COL6A3: variants seen among roughly 807,000 people sequenced by gnomAD.
COL6A3 encodes collagen type VI alpha 3 chain.
A neutral mutation model predicts 274.1 loss-of-function variants in COL6A3; 137 were observed. The observed-to-expected ratio is 0.50, with a 90% CI of 0.44 to 0.58. The LOEUF (loss-of-function observed/expected upper bound fraction) is 0.58, where lower values mean the gene tolerates loss of function less well. COL6A3 is among the 20% of genes least tolerant of loss of function. The pLI is 0.00. For missense variants in COL6A3, 3,950 were observed against 4,124.9 expected (o/e 0.96, Z 1.16); for synonymous variants, 1,650 against 1,650.6 (o/e 1.00, Z 0.01).
rs1334186946 is a variant in COL6A3 at position 237,365,730 on chromosome 2, T to G, written c.5806A>C (p.Lys1936Gln). ...TEDTLKVYLN[K>Q]FRQSSPDSVK... ...CTGTCCGGCGAGGACTGTCTGAACT[T>G]GTTCAGGTAGACCTTCAGGGTGTCC... Residue 1936 changes from lysine to glutamine, a missense_variant, in exon 12 of 44, where the codon AAG becomes CAG. Transcript: ENST00000295550. 6.2e-7 allele frequency: 1 copy of G among 1,614,032 alleles called. No homozygotes were observed. Among genetic ancestry groups the G allele is most frequent in the South Asian group, 1.1e-5 (1 of 91,082 alleles).
Position 237,361,024 on chromosome 2 carries a change from C to T in COL6A3, c.6210+97G>A, listed in dbSNP as rs2077424232. 2 of 1,028,142 alleles carry T rather than the reference C, an allele frequency of 1.9e-6. No homozygotes were observed. Among genetic ancestry groups the T allele is most frequent in the Non-Finnish European group, 3.1e-6 (2 of 647,684 alleles). The allele number at this position is 1,028,142 out of a possible 1,614,324, so 63.7% of individuals were successfully genotyped here. A position where few individuals can be genotyped will look rare whatever the true frequency, so the allele number is the denominator to read the frequency against. ...ATTTTTCTCCCAAAGGGAAAGCCAT[C>T]AGCAACTGAACAAATGATGAAATCC... On this transcript the variant is annotated intron_variant, in intron 16 of 43. Transcript: ENST00000295550. The surrounding 1 kb of genome is among the most constrained non-coding windows in gnomAD (Gnocchi z 5.1).
chr2:237,399,441 T>C (rs2078535263), intron 1 of COL6A3, among the ~76,000 whole-genome samples: 1 of 152,172 alleles, frequency 6.6e-6, no homozygotes, highest in African/African-American at 2.4e-5. Context: ...GGATGGTAAG[T>C]GAACTCTAAC....
chr2:237,401,327 T>C (rs2078583732), intron 1 of COL6A3, among the ~76,000 whole-genome samples: 1 of 152,172 alleles, frequency 6.6e-6, no homozygotes, highest in Non-Finnish European at 1.5e-5. Context: ...ATCCAAAAGA[T>C]GGAAACAACT....
intron 39 of COL6A3, among the ~76,000 whole-genome samples, chr2:237,337,106 G>C (rs1186336106): frequency 6.6e-6 from 1 of 151,922 alleles, no homozygotes; most frequent in East Asian, 1.9e-4. Flanking sequence ...GAGAATAGCA[G>C]CCTAATCAAA....
chr2:237,343,197 G>A (rs2077024550), intron 36 of COL6A3: 2 of 152,086 alleles, frequency 1.3e-5, no homozygotes, highest in South Asian at 4.2e-4. Context: ...ATTAATTGAT[G>A]TAAGAATTAA....
rs562554944 is a variant in COL6A3 at position 237,368,741 on chromosome 2, T to A, written c.4722A>T (p.Gly1574=). Residue 1574 remains glycine (G), a synonymous_variant, in exon 10 of 44, where the codon GGA becomes GGT. Coordinates refer to ENST00000295550, the MANE Select transcript of COL6A3 (RefSeq NM_004369.4). This position sits in a 1 kb window ranked among gnomAD's most constrained non-coding sequence, Gnocchi z 4.4. Reference sequence around the variant, plus strand: ...GCTCTGTTCTGTCGATGTTCCGGTCTCCTACCCCTAAACTCACAATGCCCG... The same window carrying A: ...GCTCTGTTCTGTCGATGTTCCGGTCACCTACCCCTAAACTCACAATGCCCG... ...RSSGIVSLGV[G]DRNIDRTELQ... is the part of the protein sequence containing the mutation. 6.2e-7 allele frequency: 1 copy of A among 1,614,178 alleles called. No individual in the cohort carries two copies. The highest frequency in any genetic ancestry group is 1.7e-5 in the Admixed American group (1 of 60,020).
intron 1 of COL6A3, among the ~76,000 whole-genome samples, chr2:237,406,959 G>T (rs538882950): frequency 5.6e-5 from 8 of 141,808 alleles, no homozygotes; most frequent in African/African-American, 2.2e-4. Flanking sequence ...GTCCAGGTTG[G>T]AATGCAGTGG....
At chr2:237,328,636 A>C (rs1300549501) in intron 42 of COL6A3, 1 of 152,240 alleles carries the variant, frequency 6.6e-6, no homozygotes, top group Non-Finnish European at 1.5e-5. Context: ...CTTTATAATC[A>C]GCAAAAAATA....
In COL6A3 at chr2:237,381,236, C is replaced by T. The variant is rs780262157; in HGVS notation, c.1576G>A (p.Gly526Ser). ...TTACGAACAAAGTCTAGAGCAGAGC[C>T]CGTGTACAGGGCCGAGCCGTCCAGG... ...KPLDGSALYT[G>S]SALDFVRNNL... is the part of the protein sequence containing the mutation. The change falls in exon 5 of 44, where the codon GGC (glycine) becomes AGC (serine). Residue 526 changes from glycine (G) to serine (S), a missense_variant. Gly to Ser is a moderately conservative substitution (Grantham distance 56). This residue lies in a region of COL6A3 where 1,934 missense variants were observed against 1,984.3 expected (regional missense o/e 0.97). Transcript: ENST00000295550. The T allele has an allele frequency of 3.1e-6, 5 of 1,614,266 alleles. No homozygotes were observed. The highest frequency in any genetic ancestry group is 3.4e-6 in the Non-Finnish European group (4 of 1,180,058).
intron 4 of COL6A3, among the ~76,000 whole-genome samples, chr2:237,385,586 C>T (rs1013381251): frequency 1.2e-4 from 18 of 152,294 alleles, no homozygotes; most frequent in Admixed American, 1.2e-3. Context: ...CCATCTACAG[C>T]CATGTTGCAT....
chr2:237,374,596 A>G lies in COL6A3; in HGVS notation c.3495T>C (p.Ile1165=), dbSNP rs1359598929. The change falls in exon 8 of 44, where the codon ATT becomes ATC. Residue 1165 remains isoleucine (I), a synonymous_variant. Coordinates refer to ENST00000295550, the MANE Select transcript of COL6A3 (RefSeq NM_004369.4). This position sits in a 1 kb window ranked among gnomAD's most constrained non-coding sequence, Gnocchi z 4.8. ...CTGTGATGTCAGCGTTCCCGATGCCAATGCCAATGGGCACAGCCCCACCCC... is the reference window on the plus strand; with the variant it reads ...CTGTGATGTCAGCGTTCCCGATGCCGATGCCAATGGGCACAGCCCCACCCC... ...VKRGGAVPIG[I]GIGNADITEM... 2.5e-6 allele frequency: 4 copies of G among 1,614,180 alleles called. No individual in the cohort carries two copies. The highest frequency in any genetic ancestry group is 3.4e-6 in the Non-Finnish European group (4 of 1,180,020).
rs745793481 is a variant in COL6A3, at chr2:237,341,164, T to G, written c.7766-14A>C. 2 of 1,612,240 alleles carry G rather than the reference T, an allele frequency of 1.2e-6. No homozygotes were observed. Among genetic ancestry groups the G allele is most frequent in the Admixed American group, 1.7e-5 (1 of 60,014 alleles). On this transcript the variant is annotated splice_polypyrimidine_tract_variant and intron_variant, in intron 37 of 43. Coordinates refer to ENST00000295550, the MANE Select transcript of COL6A3 (RefSeq NM_004369.4). ...TGTTGCAGATGTCTAGAAAGAAGCA[T>G]GGCAGCCTATTTGTTCTGTGACACC...
intron 1 of COL6A3, among the ~76,000 whole-genome samples, chr2:237,402,376 T>C (rs1001368608): frequency 1.3e-5 from 2 of 152,168 alleles, no homozygotes; most frequent in Non-Finnish European, 2.9e-5. Flanking sequence ...ATGTTTTATG[T>C]TATATGGTTT....
rs533474023 is a variant in COL6A3 at position 237,371,979 on chromosome 2, T to C, written c.4038A>G (p.Gly1346=). The C allele has an allele frequency of 1.2e-6, 2 of 1,614,112 alleles. No homozygotes were observed. The highest frequency in any genetic ancestry group is 2.2e-5 in the South Asian group (2 of 91,082). Residue 1346 remains glycine, a synonymous_variant, in exon 9 of 44, where the codon GGA becomes GGG. Coordinates refer to ENST00000295550, the MANE Select transcript of COL6A3 (RefSeq NM_004369.4). The surrounding 1 kb of genome is among the most constrained non-coding windows in gnomAD (Gnocchi z 4.3). Reference sequence around the variant, plus strand: ...GGTCGTCCACCTCATCGTCAGACTTTCCAGACGAGATGAGGACCAGGAACT... The same window carrying C: ...GGTCGTCCACCTCATCGTCAGACTTCCCAGACGAGATGAGGACCAGGAACT... ...VPQFLVLISS[G]KSDDEVDDPA...
chr2:237,384,315 T>A (rs1209778022), intron 4 of COL6A3, among the ~76,000 whole-genome samples: 1 of 152,162 alleles, frequency 6.6e-6, no homozygotes, highest in East Asian at 1.9e-4. Flanking sequence ...GTCTTATCTC[T>A]TTAATGTGGC....
At chr2:237,351,229 C>A in intron 26 of COL6A3, 37 bp from the exon 27 acceptor site, 4 of 1,604,332 alleles carry the variant, frequency 2.5e-6, no homozygotes, top group South Asian at 1.1e-5. Context: ...AGTGAAGTGG[C>A]CAACCGTCCA....
intron 32 of COL6A3, 131 bp downstream of exon 32, chr2:237,346,372 G>T (rs147629744): frequency 1.3e-6 from 1 of 765,150 alleles, no homozygotes. Flanking sequence ...TCAGAGAGGC[G>T]GTTTGACAAC....
intron 12 of COL6A3, among the ~76,000 whole-genome samples, chr2:237,365,491 G>C (rs1445276623): frequency 6.6e-6 from 1 of 152,124 alleles, no homozygotes; most frequent in Non-Finnish European, 1.5e-5. Flanking sequence ...CTGATTTCCA[G>C]GATTCTTTTA....
intron 14 of COL6A3, among the ~76,000 whole-genome samples, chr2:237,362,853 C>T (rs975588771): frequency 6.6e-6 from 1 of 152,174 alleles, no homozygotes; most frequent in Admixed American, 6.5e-5. Flanking sequence ...CCAGAAACAG[C>T]CTTTCTTTTC....
Sources: gnomAD v4.1 joint callset for allele counts (sites outside exome capture counted in the v4.1 genomes callset) on GRCh38, gnomAD v4.1.1 for gene constraint, gnomAD v4.1.1 regional missense constraint, Gnocchi (gnomAD v3.1) non-coding constraint, MANE v1.5 for transcripts, NCBI Gene and HGNC (gene_info 2026-07-23, HGNC 2026-07-21) for gene names.